The following MCTP2 variants were observed in gnomAD, a reference collection of about 807,000 sequenced individuals.
MCTP2 encodes multiple C2 and transmembrane domain-containing protein 2.
MCTP2 carries 132 observed loss-of-function variants against 111.6 expected under a neutral mutation model. The ratio of observed to expected loss-of-function variants is 1.18; its 90% CI spans 1.03 to 1.37. The LOEUF (loss-of-function observed/expected upper bound fraction) is 1.37. MCTP2 is among the 40% of genes most tolerant of loss of function. The pLI is 0.00. For missense variants in MCTP2, 1,183 were observed against 1,067.9 expected, an observed-to-expected ratio of 1.11 and a Z score of -1.50; for synonymous variants, 395 against 387.7, an observed-to-expected ratio of 1.02 and a Z score of -0.22.
intron 3 of MCTP2, chr15:94,314,669 T>G: frequency 2.0e-6 from 1 of 508,044 alleles, no homozygotes; most frequent in Non-Finnish European, 3.8e-6. Flanking sequence ...CAGGATCGAT[T>G]AATTGAATGT....
chr15:94,322,882 A>AGGGT (rs1349361700), intron 4 of MCTP2, among the ~76,000 whole-genome samples: 1 of 152,188 alleles, frequency 6.6e-6, no homozygotes, highest in Non-Finnish European at 1.5e-5. Context: ...AGGATGTTAG[A>AGGGT]AAGTGCTTAG....
At chr15:94,335,850 AT>A (rs1037449698) in intron 4 of MCTP2, among the ~76,000 whole-genome samples, 3 of 151,980 alleles carry the variant, frequency 2.0e-5, no homozygotes, top group African/African-American at 7.3e-5. Flanking sequence ...AAACAATTCT[AT>A]TTTTTTTCCT....
chr15:94,232,588 T>A (rs556261730), intron 1 of MCTP2, among the ~76,000 whole-genome samples: 1 of 152,312 alleles, frequency 6.6e-6, no homozygotes, highest in Non-Finnish European at 1.5e-5. Context: ...ATTGTACACC[T>A]GTTAACGGGC....
At chr15:94,317,069 C>T (rs1400326123) in intron 4 of MCTP2, among the ~76,000 whole-genome samples, 1 of 152,106 alleles carries the variant, frequency 6.6e-6, no homozygotes, top group Non-Finnish European at 1.5e-5. Context: ...GTTCTGTTTA[C>T]CAATTGTTAT....
chr15:94,326,672 A>G (rs2076886848), intron 4 of MCTP2, among the ~76,000 whole-genome samples: 1 of 151,998 alleles, frequency 6.6e-6, no homozygotes, highest in African/African-American at 2.4e-5. Flanking sequence ...GGTTCAAGCA[A>G]TTCTCCTGCC....
intron 1 of MCTP2, among the ~76,000 whole-genome samples, chr15:94,277,000 C>A (rs531460884): frequency 1.3e-5 from 2 of 150,044 alleles, no homozygotes; most frequent in Non-Finnish European, 3.0e-5. Context: ...ACAAAACTGT[C>A]CTCATTTGAA....
intron 1 of MCTP2, among the ~76,000 whole-genome samples, chr15:94,246,159 A>G (rs1007568614): frequency 3.3e-5 from 5 of 152,102 alleles, no homozygotes; most frequent in Admixed American, 6.6e-5. Context: ...ACCCTTTGCA[A>G]TGCTACACAT....
intron 1 of MCTP2, among the ~76,000 whole-genome samples, chr15:94,241,414 G>A (rs2070946796): frequency 6.6e-6 from 1 of 152,030 alleles, no homozygotes; most frequent in African/African-American, 2.4e-5. Context: ...ACCAATTCTG[G>A]ATGTCTTGTT....
rs556624862 is a variant in MCTP2, at chr15:94,405,178, G to A, written c.2085+3159G>A. On this transcript the variant is annotated intron_variant, in intron 17 of 22. Transcript: ENST00000357742. ...AGTCCCTGGTGGGGCTTTTCTTCTT[G>A]TGACAGTACAGGAAGTGATGCTAAC... Among the ~76,000 whole-genome samples the A allele has an allele frequency of 1.8e-4, 28 of 152,314 alleles. No homozygotes were observed. In the South Asian group the frequency reaches 5.6e-3, roughly 30 times the overall value.
intron 17 of MCTP2, among the ~76,000 whole-genome samples, chr15:94,419,773 A>T (rs980375656): frequency 2.0e-5 from 3 of 148,484 alleles, no homozygotes; most frequent in Non-Finnish European, 4.5e-5. Context: ...TTTTTTTTAC[A>T]AATCGAAAAT....
At chr15:94,410,336 T>A (rs751797767) in intron 17 of MCTP2, among the ~76,000 whole-genome samples, 3 of 152,048 alleles carry the variant, frequency 2.0e-5, no homozygotes, top group Non-Finnish European at 2.9e-5. Flanking sequence ...CAGGAGTCAA[T>A]CATTTCCAGG....
chr15:94,379,885 T>TA (rs1273830135), intron 12 of MCTP2, among the ~76,000 whole-genome samples: 63 of 146,366 alleles, frequency 4.3e-4, no homozygotes, highest in South Asian at 6.3e-4. Flanking sequence ...TATACTTATA[T>TA]ATAATATATA....
At chr15:94,368,210 T>G (rs1462944658) in intron 11 of MCTP2, among the ~76,000 whole-genome samples, 1 of 152,226 alleles carries the variant, frequency 6.6e-6, no homozygotes, top group Non-Finnish European at 1.5e-5. Context: ...AGTGAGAACC[T>G]GCTCATGCCT....
chr15:94,464,257 T>TTTTA (rs1555481315), intron 20 of MCTP2, among the ~76,000 whole-genome samples: 1 of 44,968 alleles, frequency 2.2e-5, no homozygotes, highest in African/African-American at 6.0e-5. Context: ...TATATATATA[T>TTTTA]TATATATATA....
At chr15:94,261,179 T>C (rs2073157577) in intron 1 of MCTP2, among the ~76,000 whole-genome samples, 1 of 152,192 alleles carries the variant, frequency 6.6e-6, no homozygotes, top group Admixed American at 6.5e-5. Flanking sequence ...TTTCATGTAT[T>C]GATTGATGTG....
chr15:94,240,941 A>G (rs1489454301), intron 1 of MCTP2, among the ~76,000 whole-genome samples: 1 of 152,178 alleles, frequency 6.6e-6, no homozygotes, highest in Non-Finnish European at 1.5e-5. Context: ...GGTGCTATTG[A>G]TTAGATCAAG....
intron 1 of MCTP2, among the ~76,000 whole-genome samples, chr15:94,284,445 A>G (rs1298980405): frequency 6.6e-6 from 1 of 152,204 alleles, no homozygotes; most frequent in Non-Finnish European, 1.5e-5. Context: ...TGGAACATTA[A>G]TCAATATATT....
At chr15:94,268,981 G>A (rs1230691798) in intron 1 of MCTP2, among the ~76,000 whole-genome samples, 1 of 152,016 alleles carries the variant, frequency 6.6e-6, no homozygotes, top group Non-Finnish European at 1.5e-5. Flanking sequence ...ATTAGCATAA[G>A]GGTTTTTTAA....
chr15:94,390,720 C>CTTTTCTTTTT (rs2080906272), intron 14 of MCTP2, among the ~76,000 whole-genome samples: 1 of 129,590 alleles, frequency 7.7e-6, no homozygotes, highest in Non-Finnish European at 1.7e-5. Context: ...AATTTCTTTT[C>CTTTTCTTTTT]TTTTCTTTTT....
Sources: gnomAD v4.1 joint callset for allele counts (sites outside exome capture counted in the v4.1 genomes callset) on GRCh38, gnomAD v4.1.1 for gene constraint, MANE v1.5 for transcripts, NCBI Gene and HGNC (gene_info 2026-07-23, HGNC 2026-07-21) for gene names.